The following HDAC9 variants were observed in gnomAD, a reference collection of about 807,000 sequenced individuals.
The protein encoded by HDAC9 is MEF-2 interacting transcription repressor (MITR) protein.
HDAC9 carries 41 observed loss-of-function variants against 139.4 expected under a neutral mutation model. The observed-to-expected ratio is 0.29, with a 90% CI of 0.23 to 0.38. The LOEUF (loss-of-function observed/expected upper bound fraction) is 0.38, where lower values mean the gene tolerates loss of function less well. Ranked by LOEUF, HDAC9 falls within the 10% of genes least tolerant of loss-of-function variation. The pLI is 1.00. For synonymous variants in HDAC9, 517 were observed against 476.2 expected (o/e 1.09, Z -1.12); for missense variants, 1,147 against 1,297.0 (o/e 0.88, Z 1.78).
At chr7:18,735,048 T>C (rs1786756931) in intron 13 of HDAC9, among the ~76,000 whole-genome samples, 1 of 152,246 alleles carries the variant, frequency 6.6e-6, no homozygotes, top group Non-Finnish European at 1.5e-5. Flanking sequence ...TTGAGAAGTG[T>C]CTGTTCATAT....
At chr7:18,701,896 A>T (rs931832229) in intron 12 of HDAC9, among the ~76,000 whole-genome samples, 3 of 152,236 alleles carry the variant, frequency 2.0e-5, no homozygotes, top group African/African-American at 4.8e-5. Context: ...ATTACTGTTT[A>T]ATCTTGAGCA....
rs181985287 is a variant in HDAC9, at chr7:18,462,803, G to A, written c.-41-33459G>A. Among the ~76,000 whole-genome samples, 4 of 152,032 alleles carry A rather than the reference G, an allele frequency of 2.6e-5. No homozygotes were observed. The East Asian group carries it at 7.7e-4, about 29-fold the overall frequency. Reference sequence around the variant, plus strand: ...CACTTTACTCTTGATGGGTGTTTAGGTGTGTCCAGTTTTGATCATGTTTAA... The same window carrying A: ...CACTTTACTCTTGATGGGTGTTTAGATGTGTCCAGTTTTGATCATGTTTAA... On this transcript the variant is annotated intron_variant, in intron 1 of 3. Transcript: ENST00000413509.
chr7:18,314,663 A>G (rs932191778), intron 1 of HDAC9, among the ~76,000 whole-genome samples: 27 of 152,178 alleles, frequency 1.8e-4, no homozygotes, highest in Non-Finnish European at 4.0e-4. Flanking sequence ...ACAGTGTTTT[A>G]AGAGTGAGAT....
At chr7:18,753,711 G>A (rs1198410336) in intron 14 of HDAC9, among the ~76,000 whole-genome samples, 4 of 152,072 alleles carry the variant, frequency 2.6e-5, no homozygotes, top group Admixed American at 6.6e-5. Context: ...TAATCAAAAT[G>A]TATTCTCTCA....
chr7:18,440,436 C>T (rs1791652467), intron 1 of HDAC9, among the ~76,000 whole-genome samples: 2 of 152,054 alleles, frequency 1.3e-5, no homozygotes, highest in Non-Finnish European at 1.5e-5. Flanking sequence ...CTGCCCACCT[C>T]GGCCTCCCAA....
At chr7:18,133,358 G>A (rs1785152215) in intron 1 of HDAC9, among the ~76,000 whole-genome samples, 1 of 152,026 alleles carries the variant, frequency 6.6e-6, no homozygotes, top group Non-Finnish European at 1.5e-5. Context: ...AATCCACTGA[G>A]CATTTAGTTA....
At chr7:18,570,633 G>T (rs1823971105) in intron 2 of HDAC9, among the ~76,000 whole-genome samples, 2 of 152,124 alleles carry the variant, frequency 1.3e-5, no homozygotes, top group Admixed American at 1.3e-4. Context: ...AATTCCTGTT[G>T]TACCTGTTAG....
intron 2 of HDAC9, among the ~76,000 whole-genome samples, chr7:18,560,284 A>G (rs1469690983): frequency 6.6e-6 from 1 of 152,210 alleles, no homozygotes; most frequent in Non-Finnish European, 1.5e-5. Context: ...ATAATACTAA[A>G]GACCTCTAGG....
chr7:18,375,519 G>A (rs559771843), intron 1 of HDAC9, among the ~76,000 whole-genome samples: 5 of 152,212 alleles, frequency 3.3e-5, no homozygotes, highest in Admixed American at 2.0e-4. Context: ...ATATAATGCG[G>A]TTGGTATATG....
chr7:18,516,449 AATAT>A (rs1803207880), intron 2 of HDAC9, among the ~76,000 whole-genome samples: 1 of 152,180 alleles, frequency 6.6e-6, no homozygotes, highest in South Asian at 2.1e-4. Context: ...CGCCCTAGTC[AATAT>A]CCTATTTACT....
intron 16 of HDAC9, among the ~76,000 whole-genome samples, chr7:18,767,551 A>G (rs1194503332): frequency 6.6e-6 from 1 of 152,230 alleles, no homozygotes; most frequent in Non-Finnish European, 1.5e-5. Flanking sequence ...GTACGCACAT[A>G]CATTATATTC....
chr7:18,170,089 G>A (rs1306763786), intron 2 of HDAC9, among the ~76,000 whole-genome samples: 1 of 152,138 alleles, frequency 6.6e-6, no homozygotes. Flanking sequence ...GTGTAAAAGT[G>A]TTCCTATTTC....
At chr7:18,445,096 G>A (rs997016912) in intron 1 of HDAC9, among the ~76,000 whole-genome samples, 3 of 152,124 alleles carry the variant, frequency 2.0e-5, no homozygotes, top group Non-Finnish European at 4.4e-5. Flanking sequence ...GCAGGAGTTT[G>A]CATTCACCAA....
At chr7:18,826,826 A>G (rs892654977) in intron 17 of HDAC9, among the ~76,000 whole-genome samples, 2 of 151,744 alleles carry the variant, frequency 1.3e-5, no homozygotes, top group Non-Finnish European at 2.9e-5. Context: ...AGGATGCCCT[A>G]AATTTTTTTT....
intron 5 of HDAC9, 127 bp from the exon 6 acceptor site, chr7:18,593,781 G>T (rs56161341): frequency 2.1e-6 from 2 of 942,040 alleles, no homozygotes; most frequent in South Asian, 1.5e-5. Context: ...GCTATGGTTT[G>T]TATACACTAA....
intron 1 of HDAC9, among the ~76,000 whole-genome samples, chr7:18,392,309 TCTCTCTCACA>T (rs1480634945): frequency 8.8e-4 from 116 of 131,326 alleles, no homozygotes; most frequent in East Asian, 2.8e-3. Flanking sequence ...TCTCTCTCTC[TCTCTCTCACA>T]CACACACACA....
Position 18,998,018 on chromosome 7 carries a change from T to G in HDAC9, c.*1956T>G, listed in dbSNP as rs1402568673. ...TATAAATTTTATTTTCATGAGAAATTCATACCAATCATATTTGCTAGCTTA... is the reference window on the plus strand; with the variant it reads ...TATAAATTTTATTTTCATGAGAAATGCATACCAATCATATTTGCTAGCTTA... On this transcript the variant is annotated 3_prime_UTR_variant, in exon 26 of 26. Coordinates refer to ENST00000686413, the MANE Select transcript of HDAC9 (RefSeq NM_178425.4). The G allele has an allele frequency of 6.6e-6, 1 of 152,160 alleles. No individual in the cohort carries two copies. The highest frequency in any genetic ancestry group is 1.9e-4 in the East Asian group (1 of 5,198). 9.4% of individuals were successfully genotyped at this position (152,160 alleles called of 1,614,324 possible). A position where few individuals can be genotyped will look rare whatever the true frequency, so the allele number is the denominator to read the frequency against.
intron 1 of HDAC9, among the ~76,000 whole-genome samples, chr7:18,381,815 T>C (rs1785472018): frequency 6.6e-6 from 1 of 152,184 alleles, no homozygotes; most frequent in South Asian, 2.1e-4. Context: ...GGTTTGGCAG[T>C]ATATTTAACG....
intron 13 of HDAC9, among the ~76,000 whole-genome samples, chr7:18,731,955 T>C (rs1786095609): frequency 1.3e-5 from 2 of 152,060 alleles, no homozygotes; most frequent in African/African-American, 4.8e-5. Flanking sequence ...AAGACTATAC[T>C]GTAAGTTTTT....
Sources: allele counts gnomAD v4.1 joint callset (sites outside exome capture counted in the v4.1 genomes callset), GRCh38; gene constraint gnomAD v4.1.1; transcripts MANE v1.5; gene names NCBI Gene and HGNC (gene_info 2026-07-23, HGNC 2026-07-21).